The following AGTPBP1 variants were observed in gnomAD, a reference collection of about 807,000 sequenced individuals.
AGTPBP1 encodes the protein ATP/GTP binding carboxypeptidase 1.
A neutral mutation model predicts 143.9 loss-of-function variants in AGTPBP1; 70 were observed. That is an observed-to-expected ratio of 0.49 (90% CI 0.40 to 0.59). The LOEUF (loss-of-function observed/expected upper bound fraction) is 0.59, where lower values mean the gene tolerates loss of function less well. AGTPBP1 is among the 20% of genes least tolerant of loss of function. The pLI, the probability that AGTPBP1 is intolerant of heterozygous loss-of-function variation, is 0.00. For synonymous variants in AGTPBP1, 463 were observed against 500.2 expected (o/e 0.93, Z 0.99); for missense variants, 1,229 against 1,464.5 (o/e 0.84, Z 2.62).
chr9:85,764,960 A>G, the AGTPBP1 span: 5 of 790,108 alleles, frequency 6.3e-6, no homozygotes, highest in Non-Finnish European at 1.1e-5. Context: ...GAGGTGCTGT[A>G]TGATGGATCA....
the AGTPBP1 span, chr9:85,786,333 T>C: frequency 1.5e-5 from 24 of 1,613,026 alleles, no homozygotes; most frequent in South Asian, 4.4e-5. Flanking sequence ...TGTTAGGTAA[T>C]GAGAATAAAA....
intron 6 of AGTPBP1, 118 bp from the exon 7 acceptor site, chr9:85,672,799 A>G: frequency 1.4e-6 from 1 of 704,944 alleles, no homozygotes; most frequent in Non-Finnish European, 2.1e-6. Context: ...CAGTGGCTCC[A>G]TCTCAGCTCA....
chr9:85,571,063 G>A (rs1331612291), intron 25 of AGTPBP1, among the ~76,000 whole-genome samples: 1 of 152,168 alleles, frequency 6.6e-6, no homozygotes, highest in Non-Finnish European at 1.5e-5. Flanking sequence ...TTTAGGTTAT[G>A]TCTGTCTTTA....
chr9:85,632,675 A>G lies in AGTPBP1; in HGVS notation c.2002T>C (p.Tyr668His). The change falls in exon 14 of 26, where the codon TAT becomes CAT. Residue 668 changes from tyrosine to histidine, a missense_variant. By Grantham distance (83) the Tyr-to-His change is moderately conservative. Around this residue, in one of 2 missense-constraint regions of AGTPBP1, gnomAD observed 743 missense variants for 812.2 expected, o/e 0.91. Coordinates refer to ENST00000357081, the MANE Select transcript of AGTPBP1 (RefSeq NM_001330701.2). ...TATGCAACTCACCTTTGTACACCAT[A>G]AGGCCTTTCTAAAATAGGCTCTTTG... is the stretch of plus-strand genomic sequence containing the variant. ...PFKEPILERPYGVQRTKIAQD... is the reference protein window; with the variant it reads ...PFKEPILERPHGVQRTKIAQD... The G allele has an allele frequency of 6.2e-7, 1 of 1,607,504 alleles. No homozygotes were observed. The highest frequency in any genetic ancestry group is 1.3e-5 in the African/African-American group (1 of 74,862).
chr9:85,782,885 A>T, the AGTPBP1 span, among the ~76,000 whole-genome samples: 8 of 152,342 alleles, frequency 5.3e-5, 1 homozygote, highest in South Asian at 1.7e-3. Flanking sequence ...TATAGCTAAA[A>T]CTTTAACTTG....
At chr9:85,655,427 A>G (rs775246857) in intron 10 of AGTPBP1, 107 bp from the exon 11 acceptor site, 9 of 949,278 alleles carry the variant, frequency 9.5e-6, no homozygotes, top group East Asian at 2.8e-5. Context: ...CTAGAAACAA[A>G]TATCTCAAAA....
chr9:85,760,646 A>G, the AGTPBP1 span, among the ~76,000 whole-genome samples: 8 of 152,196 alleles, frequency 5.3e-5, no homozygotes, highest in Admixed American at 2.6e-4. Context: ...ATTTATGACA[A>G]ACCCACAGCC....
the AGTPBP1 span, among the ~76,000 whole-genome samples, chr9:85,777,880 G>A: frequency 1.3e-5 from 2 of 152,202 alleles, no homozygotes; most frequent in Admixed American, 6.5e-5. Flanking sequence ...TCTGCCCACT[G>A]GGAAGATTTC....
At chr9:85,680,087 G>C (rs1209525256) in intron 4 of AGTPBP1, among the ~76,000 whole-genome samples, 1 of 152,022 alleles carries the variant, frequency 6.6e-6, no homozygotes, top group East Asian at 1.9e-4. Flanking sequence ...ATTCCCATAT[G>C]CATTTTATTT....
At position 85,672,546 on chromosome 9, in the gene AGTPBP1, T is replaced by C; in HGVS notation, c.568+4A>G. 1 of 1,606,560 alleles carries C rather than the reference T, an allele frequency of 6.2e-7. No homozygotes were observed. The highest frequency in any genetic ancestry group is 8.5e-7 in the Non-Finnish European group (1 of 1,177,820). The stretch of plus-strand genomic sequence containing the variant: ...AGTTAACTAAAAGCCACCTAAATAC[T>C]CACAGTTGGCAGAATATACTCGTAA... On this transcript the variant is annotated splice_donor_region_variant and intron_variant, in intron 7 of 25. Coordinates refer to ENST00000357081, the MANE Select transcript of AGTPBP1 (RefSeq NM_001330701.2).
chr9:85,691,872 T>C (rs1197040816), intron 3 of AGTPBP1, among the ~76,000 whole-genome samples: 2 of 152,194 alleles, frequency 1.3e-5, no homozygotes, highest in Non-Finnish European at 2.9e-5. Flanking sequence ...AAAAAAAGTC[T>C]AATTACAGCT....
At chr9:85,572,539 T>C (rs1827571658) in intron 25 of AGTPBP1, among the ~76,000 whole-genome samples, 2 of 152,232 alleles carry the variant, frequency 1.3e-5, no homozygotes, top group South Asian at 2.1e-4. Flanking sequence ...ATTTGTGATA[T>C]AGCAGTACAT....
Position 85,578,974 on chromosome 9 carries a change from T to G in AGTPBP1, c.3288A>C (p.Gln1096His), listed in dbSNP as rs761441112. 1 of 1,613,538 alleles carries G rather than the reference T, an allele frequency of 6.2e-7. No individual in the cohort carries two copies. The highest frequency in any genetic ancestry group is 8.5e-7 in the Non-Finnish European group (1 of 1,179,810). Residue 1096 changes from glutamine (Q) to histidine (H), a missense_variant, in exon 24 of 26, where the codon CAA (glutamine) becomes CAC (histidine). This residue lies in a region of AGTPBP1 where 486 missense variants were observed against 652.3 expected (regional missense o/e 0.75). Transcript: ENST00000357081. ...RVVVWREIGV[Q>H]RSYTMESTLC... The stretch of plus-strand genomic sequence containing the variant: ...AAGTACTCTCCATGGTATAACTTCT[T>G]TGTACTCCTATTTCCCTCCAAACTA...
In AGTPBP1 at chr9:85,667,011, T is replaced by C. The variant is rs79686304; in HGVS notation, c.662+2474A>G. 2.1e-3 allele frequency among the ~76,000 whole-genome samples: 317 copies of C among 152,204 alleles called. 3 individuals carry two copies. Among genetic ancestry groups the C allele is most frequent in the African/African-American group, 7.1e-3 (294 of 41,566 alleles). The stretch of plus-strand genomic sequence containing the variant: ...TATTACAATTTTACAGACAGGAAAC[T>C]GGGGCATAATAAATTAAGTAACTTA... On this transcript the variant is annotated intron_variant, in intron 8 of 25. Transcript: ENST00000357081.
chr9:85,798,254 C>T, the AGTPBP1 span, among the ~76,000 whole-genome samples: 269 of 152,096 alleles, frequency 1.8e-3, 2 homozygotes, highest in African/African-American at 6.1e-3. Context: ...AGTTCTCCTT[C>T]TAGCAGTTTC....
chr9:85,603,201 T>C (rs982151731), intron 17 of AGTPBP1, among the ~76,000 whole-genome samples: 1 of 152,254 alleles, frequency 6.6e-6, no homozygotes, highest in Admixed American at 6.5e-5. Context: ...AGTACTCACA[T>C]CACTCCTCCC....
At chr9:85,792,070 A>G in the AGTPBP1 span, 1 of 150,280 alleles carries the variant, frequency 6.7e-6, no homozygotes, top group South Asian at 2.1e-4. Flanking sequence ...ATGATATCTC[A>G]ACTATTTTGC....
the AGTPBP1 span, among the ~76,000 whole-genome samples, chr9:85,767,583 T>A: frequency 6.6e-6 from 1 of 152,114 alleles, no homozygotes; most frequent in Non-Finnish European, 1.5e-5. Context: ...CCTGACCTCG[T>A]GATCCACCCA....
At chr9:85,584,020 A>C (rs1828449937) in intron 23 of AGTPBP1, among the ~76,000 whole-genome samples, 1 of 151,906 alleles carries the variant, frequency 6.6e-6, no homozygotes, top group African/African-American at 2.4e-5. Context: ...CGACTGGGTG[A>C]GGCAATGGTG....
Sources: gnomAD v4.1 joint callset for allele counts (sites outside exome capture counted in the v4.1 genomes callset) on GRCh38, gnomAD v4.1.1 for gene constraint, gnomAD v4.1.1 regional missense constraint, MANE v1.5 for transcripts, NCBI Gene and HGNC (gene_info 2026-07-23, HGNC 2026-07-21) for gene names.